Variants in GATA4 observed in about 807,000 individuals in gnomAD.
GATA4 encodes the protein transcription factor GATA-4.
GATA4 carries 7 observed loss-of-function variants against 37.9 expected under a neutral mutation model. That is an observed-to-expected ratio of 0.18 (90% confidence interval 0.11 to 0.35). The LOEUF (loss-of-function observed/expected upper bound fraction) is 0.35, where lower values mean the gene tolerates loss of function less well. Ranked by LOEUF, GATA4 falls within the 10% of genes least tolerant of loss-of-function variation. The pLI, the probability that GATA4 is intolerant of heterozygous loss-of-function variation, is 1.00. For missense variants in GATA4, 647 were observed against 653.0 expected (o/e 0.99, Z 0.10); for synonymous variants, 372 against 292.6 (o/e 1.27, Z -2.77).
upstream of GATA4, chr8:11,692,416 A>T (rs2129981657): frequency 1.3e-6 from 1 of 742,680 alleles, no homozygotes; most frequent in Non-Finnish European, 1.6e-6. Context: ...TGATTTCTCT[A>T]CCTATCTTAT....
intron 1 of GATA4, among the ~76,000 whole-genome samples, chr8:11,677,730 A>G (rs1798827990): frequency 6.6e-6 from 1 of 152,186 alleles, no homozygotes; most frequent in African/African-American, 2.4e-5. Context: ...GCCTATTCGC[A>G]GATCAAGGGT....
intron 2 of GATA4, among the ~76,000 whole-genome samples, chr8:11,726,623 TG>T (rs1184909534): frequency 5.3e-5 from 8 of 151,350 alleles, no homozygotes; most frequent in Admixed American, 3.3e-4. Flanking sequence ...CCCAGGGGAG[TG>T]GGGGCGGTGC....
chr8:11,683,368 A>C (rs1799039292), intron 1 of GATA4, among the ~76,000 whole-genome samples: 1 of 152,304 alleles, frequency 6.6e-6, no homozygotes, highest in Non-Finnish European at 1.5e-5. Context: ...GATGCCGGTA[A>C]ATAGTAATTC....
Position 11,758,609 on chromosome 8 carries a change from T to TG in GATA4, c.*135dup. On this transcript the variant is annotated 3_prime_UTR_variant, in exon 7 of 7. Coordinates refer to ENST00000532059, the MANE Select transcript of GATA4 (RefSeq NM_001308093.3). ...CCAGAACAACAACTGGGAAGAAACT[T>TG]GAAGTCGACAATCTGGTTAGGGGAA... The TG allele has an allele frequency of 1.2e-6, 1 of 858,936 alleles. No individual in the cohort carries two copies. The highest frequency in any genetic ancestry group is 1.9e-6 in the Non-Finnish European group (1 of 519,116). 53.2% of individuals were successfully genotyped at this position (858,936 alleles called of 1,614,324 possible).
In GATA4 at chr8:11,749,190, G is replaced by A; in HGVS notation, c.786+105G>A. On this transcript the variant is annotated intron_variant, in intron 3 of 6. Coordinates refer to ENST00000532059, the MANE Select transcript of GATA4 (RefSeq NM_001308093.3). The surrounding 1 kb of genome is among the most constrained non-coding windows in gnomAD (Gnocchi z 4.6). The stretch of plus-strand genomic sequence containing the variant: ...TTTTGGAACTTGAGGGTGTGCATCG[G>A]GGATTACGTGGGTGAGAGCCCCATA... 1 of 1,073,068 alleles carries A rather than the reference G, an allele frequency of 9.3e-7. No individual in the cohort carries two copies. 66.5% of individuals were successfully genotyped at this position (1,073,068 alleles called of 1,614,324 possible).
At chr8:11,744,364 C>G (rs1801925261) in intron 2 of GATA4, among the ~76,000 whole-genome samples, 1 of 152,244 alleles carries the variant, frequency 6.6e-6, no homozygotes. Context: ...ACTATTATTA[C>G]AAGTCTTTCC....
intron 2 of GATA4, among the ~76,000 whole-genome samples, chr8:11,742,137 G>A (rs1801768638): frequency 6.6e-6 from 1 of 152,164 alleles, no homozygotes; most frequent in Admixed American, 6.5e-5. Flanking sequence ...GGAGGTGCTG[G>A]GAGTTCTTAG....
intron 2 of GATA4, among the ~76,000 whole-genome samples, chr8:11,712,796 G>C (rs996573284): frequency 6.6e-6 from 1 of 152,074 alleles, no homozygotes; most frequent in African/African-American, 2.4e-5. Context: ...GGGAGGTTGA[G>C]GCTGCAGTGA....
At chr8:11,711,964 A>G (rs1802878684) in intron 2 of GATA4, among the ~76,000 whole-genome samples, 1 of 152,022 alleles carries the variant, frequency 6.6e-6, no homozygotes, top group African/African-American at 2.4e-5. Context: ...TGGTGGGAGG[A>G]GCACAGGGTT....
chr8:11,758,784 A>G lies in GATA4; in HGVS notation c.*309A>G, dbSNP rs975185092. The G allele has an allele frequency of 2.4e-6, 1 of 421,402 alleles. No homozygotes were observed. Among genetic ancestry groups the G allele is most frequent in the Non-Finnish European group, 4.5e-6 (1 of 223,928 alleles). 26.1% of individuals were successfully genotyped at this position (421,402 alleles called of 1,614,324 possible). A position where few individuals can be genotyped will look rare whatever the true frequency, so the allele number is the denominator to read the frequency against. On this transcript the variant is annotated 3_prime_UTR_variant, in exon 7 of 7. Transcript: ENST00000532059. ...CCCTGCGTTCCCCACTGTGGCCTAG[A>G]CCGTGGGTTTTGCATTGTGTTTCTA...
At chr8:11,748,008 A>G (rs1034256061) in intron 2 of GATA4, among the ~76,000 whole-genome samples, 13 of 151,958 alleles carry the variant, frequency 8.6e-5, no homozygotes, top group African/African-American at 2.9e-4. Context: ...CGGGTGGACC[A>G]TTTGAGGTCA....
chr8:11,683,795 A>T (rs148423625), intron 1 of GATA4, among the ~76,000 whole-genome samples: 40 of 152,298 alleles, frequency 2.6e-4, no homozygotes, highest in African/African-American at 8.2e-4. Flanking sequence ...CCAGCCTTCC[A>T]TTCAGTGCAG....
At chr8:11,750,016 C>T (rs1802220813) in intron 3 of GATA4, 95 bp from the exon 4 acceptor site, 3 of 1,583,996 alleles carry the variant, frequency 1.9e-6, no homozygotes, top group Non-Finnish European at 2.6e-6. Context: ...GCCCTGCCTC[C>T]CGTTAGGGAG....
chr8:11,719,322 G>C (rs1457348622), intron 2 of GATA4, among the ~76,000 whole-genome samples: 1 of 151,926 alleles, frequency 6.6e-6, no homozygotes, highest in East Asian at 1.9e-4. Flanking sequence ...AGTAGGCGGG[G>C]AAAACAAACA....
chr8:11,677,297 C>T (rs1585534135), intron 1 of GATA4, among the ~76,000 whole-genome samples: 1 of 152,206 alleles, frequency 6.6e-6, no homozygotes, highest in East Asian at 1.9e-4. Flanking sequence ...AAGGCCAGGC[C>T]GCAGACGCCG....
intron 2 of GATA4, among the ~76,000 whole-genome samples, chr8:11,717,673 A>G (rs961419175): frequency 6.6e-6 from 1 of 152,210 alleles, no homozygotes; most frequent in South Asian, 2.1e-4. Context: ...AGGATTTTCC[A>G]TGACTTGTCG....
intron 2 of GATA4, among the ~76,000 whole-genome samples, chr8:11,726,215 G>A (rs1260878987): frequency 1.3e-5 from 2 of 152,142 alleles, no homozygotes; most frequent in African/African-American, 4.8e-5. Context: ...AGACATCTTC[G>A]GCGGGAGCGG....
chr8:11,753,908 G>A (rs1802427112), intron 4 of GATA4, among the ~76,000 whole-genome samples: 1 of 152,210 alleles, frequency 6.6e-6, no homozygotes, highest in Admixed American at 6.5e-5. Flanking sequence ...GAAACCAGAT[G>A]TGGGGAAGGC....
upstream of GATA4, chr8:11,692,526 C>T: frequency 1.0e-6 from 1 of 985,466 alleles, no homozygotes; most frequent in Non-Finnish European, 1.2e-6. Flanking sequence ...TGAAACTATG[C>T]TCATGCGGAT....
Sources: gnomAD v4.1 joint callset for allele counts (sites outside exome capture counted in the v4.1 genomes callset) on GRCh38, gnomAD v4.1.1 for gene constraint, Gnocchi (gnomAD v3.1) non-coding constraint, MANE v1.5 for transcripts, NCBI Gene and HGNC (gene_info 2026-07-23, HGNC 2026-07-21) for gene names.